GRIA1: variants seen among roughly 807,000 people sequenced by gnomAD.
GRIA1 encodes glutamate ionotropic receptor AMPA type subunit 1.
In GRIA1, 31 loss-of-function variants were observed where a neutral mutation model predicts 99.2. The ratio of observed to expected loss-of-function variants is 0.31; its 90% confidence interval spans 0.23 to 0.42. GRIA1 has a LOEUF of 0.42. Among genes scored for constraint, GRIA1 ranks in the 10% least tolerant of loss-of-function variants. The probability of loss-of-function intolerance (pLI) is 1.00; values close to 1 mark genes in which losing one functional copy is unlikely to be tolerated. For synonymous variants in GRIA1, 438 were observed against 432.4 expected (o/e 1.01, Z -0.16); for missense variants, 782 against 1,157.5 (o/e 0.68, Z 4.71).
chr5:153,705,978 C>A lies in GRIA1; in HGVS notation c.1734C>A (p.Thr578=), dbSNP rs1381286053. ...EEFEEGRDQT[T]SDQSNEFGIF... ...TTGAGGAAGGACGGGACCAGACAAC[C>A]AGTGACCAGTCCAATGAGTTTGGGA... Residue 578 remains threonine (T), a synonymous_variant, in exon 11 of 16, where the codon ACC becomes ACA. Transcript: ENST00000285900. 1.2e-6 allele frequency: 2 copies of A among 1,613,908 alleles called. No individual in the cohort carries two copies. The highest frequency in any genetic ancestry group is 1.7e-6 in the Non-Finnish European group (2 of 1,179,886).
At chr5:153,660,845 A>C (rs1581421880) in intron 5 of GRIA1, among the ~76,000 whole-genome samples, 1 of 152,204 alleles carries the variant, frequency 6.6e-6, no homozygotes, top group Admixed American at 6.5e-5. Flanking sequence ...AAGAACTACA[A>C]CTACATTGAT....
intron 2 of GRIA1, among the ~76,000 whole-genome samples, chr5:153,524,592 A>G (rs1757439997): frequency 6.6e-6 from 1 of 152,202 alleles, no homozygotes; most frequent in Admixed American, 6.5e-5. Flanking sequence ...ATGCATTAGA[A>G]TTGAATTAAT....
At chr5:153,709,945 A>G (rs1759190639) in intron 11 of GRIA1, among the ~76,000 whole-genome samples, 1 of 152,308 alleles carries the variant, frequency 6.6e-6, no homozygotes, top group African/African-American at 2.4e-5. Context: ...TGTGCCTAAA[A>G]TCAATGTTTT....
intron 2 of GRIA1, among the ~76,000 whole-genome samples, chr5:153,601,682 A>G (rs1764976865): frequency 6.6e-6 from 1 of 152,242 alleles, no homozygotes; most frequent in Non-Finnish European, 1.5e-5. Flanking sequence ...GGAGCCTGAA[A>G]TGTGAGATGG....
At chr5:153,742,827 G>A (rs546396611) in intron 11 of GRIA1, among the ~76,000 whole-genome samples, 66 of 152,330 alleles carry the variant, frequency 4.3e-4, no homozygotes, top group African/African-American at 1.6e-3. Flanking sequence ...GGTCCAACAT[G>A]ATTGCATTGA....
chr5:153,693,265 C>T (rs1184242504), intron 8 of GRIA1, among the ~76,000 whole-genome samples: 1 of 152,066 alleles, frequency 6.6e-6, no homozygotes, highest in African/African-American at 2.4e-5. Flanking sequence ...TGTTGTATTC[C>T]GTTGGCCAGA....
chr5:153,562,200 A>G (rs1341005635), intron 2 of GRIA1, among the ~76,000 whole-genome samples: 2 of 152,180 alleles, frequency 1.3e-5, no homozygotes, highest in Non-Finnish European at 2.9e-5. Context: ...GGGGATAACT[A>G]TGAGAACCAA....
At chr5:153,587,996 G>A (rs2149383033) in intron 2 of GRIA1, among the ~76,000 whole-genome samples, 1 of 152,218 alleles carries the variant, frequency 6.6e-6, no homozygotes, top group South Asian at 2.1e-4. Flanking sequence ...CAAAATCTTA[G>A]GTTCTAAAAA....
intron 15 of GRIA1, among the ~76,000 whole-genome samples, chr5:153,807,384 G>GA (rs1442045008): frequency 6.6e-6 from 1 of 152,254 alleles, no homozygotes; most frequent in Admixed American, 6.5e-5. Flanking sequence ...GAGTGTTAGT[G>GA]AAAAAAATGC....
intron 11 of GRIA1, among the ~76,000 whole-genome samples, chr5:153,738,720 C>CTTTTTTTTTTTTTTTTTTTTTTTTT (rs55874747): frequency 9.8e-6 from 1 of 102,348 alleles, no homozygotes; most frequent in Non-Finnish European, 1.8e-5. Flanking sequence ...TCCATACCTT[C>CTTTTTTTTTTTTTTTTTTTTTTTTT]TTTTTTTTTT....
intron 2 of GRIA1, among the ~76,000 whole-genome samples, chr5:153,548,796 C>T (rs1759845312): frequency 6.6e-6 from 1 of 152,082 alleles, no homozygotes; most frequent in Non-Finnish European, 1.5e-5. Context: ...TTTAGACCTG[C>T]TATTCATATG....
At chr5:153,650,283 C>T (rs758590509) in intron 3 of GRIA1, 47 bp from the exon 4 acceptor site, 104 of 1,544,418 alleles carry the variant, frequency 6.7e-5, no homozygotes, top group Non-Finnish European at 8.5e-5. Flanking sequence ...GTGGTGCCCA[C>T]AAATCCTGAC....
At chr5:153,619,545 G>A (rs547469242) in intron 2 of GRIA1, among the ~76,000 whole-genome samples, 1 of 152,054 alleles carries the variant, frequency 6.6e-6, no homozygotes, top group African/African-American at 2.4e-5. Flanking sequence ...AAGACAAATC[G>A]CTATCCACAT....
chr5:153,809,687 T>G (rs766883815), intron 15 of GRIA1, among the ~76,000 whole-genome samples: 8 of 152,202 alleles, frequency 5.3e-5, no homozygotes, highest in Non-Finnish European at 1.0e-4. Context: ...TACTGGACAC[T>G]CTGTGGGATA....
At chr5:153,779,113 G>A (rs189318662) in intron 13 of GRIA1, among the ~76,000 whole-genome samples, 9 of 152,228 alleles carry the variant, frequency 5.9e-5, no homozygotes, top group South Asian at 4.1e-4. Context: ...CCTTACATTC[G>A]TTTTATACCA....
chr5:153,616,679 T>G (rs1209015839), intron 2 of GRIA1, among the ~76,000 whole-genome samples: 1 of 152,190 alleles, frequency 6.6e-6, no homozygotes, highest in African/African-American at 2.4e-5. Flanking sequence ...GTGGAACGAA[T>G]GAATTTTAGG....
chr5:153,736,102 G>C (rs1488723598), intron 11 of GRIA1, among the ~76,000 whole-genome samples: 1 of 152,154 alleles, frequency 6.6e-6, no homozygotes, highest in African/African-American at 2.4e-5. Flanking sequence ...AGGGAGCCAA[G>C]CCCTGAGCCC....
At chr5:153,780,653 C>G (rs905996371) in intron 13 of GRIA1, among the ~76,000 whole-genome samples, 3 of 152,178 alleles carry the variant, frequency 2.0e-5, no homozygotes, top group Non-Finnish European at 2.9e-5. Context: ...ATCTTCCAAT[C>G]GAGATCTTCC....
intron 2 of GRIA1, among the ~76,000 whole-genome samples, chr5:153,636,662 A>T (rs145800670): frequency 1.5e-4 from 23 of 152,320 alleles, no homozygotes; most frequent in African/African-American, 5.5e-4. Context: ...TGGATTCTGA[A>T]TCTTCTACTT....
Sources: allele counts gnomAD v4.1 joint callset (sites outside exome capture counted in the v4.1 genomes callset), GRCh38; gene constraint gnomAD v4.1.1; transcripts MANE v1.5; gene names NCBI Gene and HGNC (gene_info 2026-07-23, HGNC 2026-07-21).